The following AUTS2 variants were observed in gnomAD, a reference collection of about 807,000 sequenced individuals.
AUTS2 encodes the protein activator of transcription and developmental regulator AUTS2.
Under a neutral mutation model 112.4 loss-of-function variants are expected in AUTS2, and 17 were observed. The ratio of observed to expected loss-of-function variants is 0.15; its 90% CI spans 0.10 to 0.23. The LOEUF is 0.23. Ranked by LOEUF, AUTS2 falls within the 10% of genes least tolerant of loss-of-function variation. The probability of loss-of-function intolerance (pLI) is 1.00; values close to 1 mark genes in which losing one functional copy is unlikely to be tolerated. For synonymous variants in AUTS2, 751 were observed against 702.7 expected, an observed-to-expected ratio of 1.07 and a Z score of -1.09; for missense variants, 1,510 against 1,701.6, an observed-to-expected ratio of 0.89 and a Z score of 1.98.
At chr7:70,289,101 G>C (rs1002957311) in intron 4 of AUTS2, among the ~76,000 whole-genome samples, 1 of 152,142 alleles carries the variant, frequency 6.6e-6, no homozygotes, top group Non-Finnish European at 1.5e-5. Context: ...CACAAGCTTA[G>C]TTTGTGATTT....
At chr7:70,436,437 G>A (rs1271961343) in intron 5 of AUTS2, 1 of 152,232 alleles carries the variant, frequency 6.6e-6, no homozygotes, top group Non-Finnish European at 1.5e-5. Flanking sequence ...CAGAAGATTG[G>A]ATCACAACTC....
At chr7:70,165,556 A>G (rs960931250) in intron 4 of AUTS2, among the ~76,000 whole-genome samples, 2 of 152,174 alleles carry the variant, frequency 1.3e-5, no homozygotes, top group African/African-American at 4.8e-5. Context: ...TATCCAGGAA[A>G]AATATATTGC....
intron 2 of AUTS2, among the ~76,000 whole-genome samples, chr7:69,935,960 C>T (rs1205643735): frequency 6.6e-6 from 1 of 152,170 alleles, no homozygotes; most frequent in Admixed American, 6.5e-5. Flanking sequence ...TATTTCACTC[C>T]TGAGTCCAGA....
intron 5 of AUTS2, among the ~76,000 whole-genome samples, chr7:70,669,515 C>T (rs540972635): frequency 6.6e-6 from 1 of 152,198 alleles, no homozygotes; most frequent in South Asian, 2.1e-4. Context: ...AGTCCAGCAC[C>T]CTCGAATTAT....
At chr7:69,737,021 G>T (rs1787058351) in intron 1 of AUTS2, among the ~76,000 whole-genome samples, 1 of 152,098 alleles carries the variant, frequency 6.6e-6, no homozygotes, top group African/African-American at 2.4e-5. Flanking sequence ...GCAGTGTCAG[G>T]CCATGCTGCA....
intron 2 of AUTS2, among the ~76,000 whole-genome samples, chr7:70,014,008 G>A (rs188865769): frequency 6.6e-6 from 1 of 152,146 alleles, no homozygotes; most frequent in African/African-American, 2.4e-5. Context: ...GAGCCACCGC[G>A]CCCGGCCTCA....
intron 1 of AUTS2, among the ~76,000 whole-genome samples, chr7:69,854,379 T>C (rs1411235670): frequency 6.6e-6 from 1 of 152,204 alleles, no homozygotes; most frequent in Non-Finnish European, 1.5e-5. Context: ...TATGTTTTAC[T>C]TCCTCCCTGT....
intron 1 of AUTS2, among the ~76,000 whole-genome samples, chr7:69,872,564 G>T (rs1325786695): frequency 2.6e-5 from 4 of 152,004 alleles, no homozygotes; most frequent in Non-Finnish European, 5.9e-5. Flanking sequence ...AACATTTTTT[G>T]CCTTTTTTTC....
At chr7:70,119,244 T>C (rs905506355) in intron 3 of AUTS2, 12 of 152,160 alleles carry the variant, frequency 7.9e-5, no homozygotes, top group African/African-American at 2.9e-4. Context: ...TTCTTCGGCC[T>C]TCCAAAGTGC....
chr7:69,670,124 T>G (rs1254662534), intron 1 of AUTS2, among the ~76,000 whole-genome samples: 1 of 152,176 alleles, frequency 6.6e-6, no homozygotes, highest in Non-Finnish European at 1.5e-5. Flanking sequence ...CCCCAGACTG[T>G]ATGTTCTTCT....
intron 5 of AUTS2, among the ~76,000 whole-genome samples, chr7:70,641,440 T>C (rs1187588889): frequency 1.3e-5 from 2 of 151,924 alleles, no homozygotes; most frequent in African/African-American, 2.4e-5. Flanking sequence ...TAGTCCCAGC[T>C]ACTCGGGAGA....
At chr7:70,718,372 A>G (rs546542544) in intron 6 of AUTS2, among the ~76,000 whole-genome samples, 5 of 152,178 alleles carry the variant, frequency 3.3e-5, no homozygotes, top group African/African-American at 4.8e-5. Context: ...TTTAAAAACA[A>G]TAACACAGAG....
intron 1 of AUTS2, among the ~76,000 whole-genome samples, chr7:69,626,094 A>G (rs1297754304): frequency 6.6e-6 from 1 of 152,186 alleles, no homozygotes; most frequent in African/African-American, 2.4e-5. Context: ...GTTCCTGAGT[A>G]GTTGTGACAT....
chr7:69,814,436 A>C (rs957307172), intron 1 of AUTS2, among the ~76,000 whole-genome samples: 12 of 152,300 alleles, frequency 7.9e-5, no homozygotes, highest in African/African-American at 2.9e-4. Flanking sequence ...GCCAGGCAGG[A>C]GAGAAAAGTC....
chr7:70,727,666 AC>A (rs1281240946), intron 6 of AUTS2, among the ~76,000 whole-genome samples: 1 of 152,160 alleles, frequency 6.6e-6, no homozygotes, highest in Non-Finnish European at 1.5e-5. Context: ...TTTAAAACTT[AC>A]GTTTCAGAGG....
intron 4 of AUTS2, among the ~76,000 whole-genome samples, chr7:70,403,996 G>A (rs1794430002): frequency 6.6e-6 from 1 of 152,176 alleles, no homozygotes; most frequent in African/African-American, 2.4e-5. Flanking sequence ...TTGGTGACAT[G>A]GATAACAGTA....
At chr7:69,754,973 G>A (rs1447293530) in intron 1 of AUTS2, among the ~76,000 whole-genome samples, 2 of 152,176 alleles carry the variant, frequency 1.3e-5, no homozygotes, top group Admixed American at 6.5e-5. Context: ...TTTTGCATTA[G>A]CAAATAACTT....
intron 5 of AUTS2, among the ~76,000 whole-genome samples, chr7:70,512,993 G>C (rs746670329): frequency 2.0e-5 from 3 of 152,174 alleles, no homozygotes; most frequent in Non-Finnish European, 2.9e-5. Flanking sequence ...GCTTTTGCTG[G>C]TGCCAGCAAT....
chr7:70,727,085 A>T (rs75391386), intron 6 of AUTS2, among the ~76,000 whole-genome samples: 2,679 of 152,278 alleles, frequency 0.018, 72 homozygotes, highest in African/African-American at 0.061. Context: ...GGGTATTAAC[A>T]TCGGTAATGT....
Sources: allele counts gnomAD v4.1 joint callset (sites outside exome capture counted in the v4.1 genomes callset), GRCh38; gene constraint gnomAD v4.1.1; transcripts MANE v1.5; gene names NCBI Gene and HGNC (gene_info 2026-07-23, HGNC 2026-07-21).